The following MACROD2 variants were observed in gnomAD, a reference collection of about 807,000 sequenced individuals.
MACROD2 encodes mono-ADP ribosylhydrolase 2, also known as ADP-ribose glycohydrolase MACROD2.
MACROD2 carries 36 observed loss-of-function variants against 70.4 expected under a neutral mutation model. The observed-to-expected ratio is 0.51, with a 90% CI of 0.39 to 0.68. The LOEUF is 0.68. Among genes scored for constraint, MACROD2 ranks in the 30% least tolerant of loss-of-function variants. The pLI, the probability that MACROD2 is intolerant of heterozygous loss-of-function variation, is 0.00. For synonymous variants in MACROD2, 172 were observed against 178.8 expected, an observed-to-expected ratio of 0.96 and a Z score of 0.30; for missense variants, 496 against 538.4, an observed-to-expected ratio of 0.92 and a Z score of 0.78.
chr20:14,963,096 C>G (rs1388981664), intron 5 of MACROD2, among the ~76,000 whole-genome samples: 3 of 152,094 alleles, frequency 2.0e-5, no homozygotes, highest in African/African-American at 7.2e-5. Flanking sequence ...CTGTACCATA[C>G]TTTTTTTCAC....
intron 7 of MACROD2, among the ~76,000 whole-genome samples, chr20:15,456,509 C>T (rs539199671): frequency 1.3e-5 from 2 of 152,238 alleles, no homozygotes; most frequent in East Asian, 1.9e-4. Flanking sequence ...ACACAAGCTC[C>T]CTGAAGGCAA....
At chr20:15,099,946 A>G (rs1434948187) in intron 5 of MACROD2, among the ~76,000 whole-genome samples, 1 of 152,064 alleles carries the variant, frequency 6.6e-6, no homozygotes, top group Non-Finnish European at 1.5e-5. Context: ...TGAAAAAAAA[A>G]ATTCAAAAGA....
At chr20:15,032,951 A>G (rs2075286686) in intron 5 of MACROD2, among the ~76,000 whole-genome samples, 1 of 152,224 alleles carries the variant, frequency 6.6e-6, no homozygotes, top group South Asian at 2.1e-4. Context: ...ACATTATGCT[A>G]AGTGCAATAA....
intron 5 of MACROD2, among the ~76,000 whole-genome samples, chr20:14,847,155 G>T (rs893500426): frequency 6.6e-6 from 1 of 152,076 alleles, no homozygotes; most frequent in African/African-American, 2.4e-5. Flanking sequence ...AACTACTTCT[G>T]TAACATTAAT....
intron 8 of MACROD2, among the ~76,000 whole-genome samples, chr20:15,858,391 T>C (rs2064382644): frequency 6.6e-6 from 1 of 152,194 alleles, no homozygotes; most frequent in Non-Finnish European, 1.5e-5. Context: ...CCTTTTTCCT[T>C]TGTACAAGTC....
At chr20:14,340,456 A>C (rs1488339396) in intron 3 of MACROD2, among the ~76,000 whole-genome samples, 1 of 152,300 alleles carries the variant, frequency 6.6e-6, no homozygotes, top group Non-Finnish European at 1.5e-5. Context: ...GAATGGGAGA[A>C]GAATACACAA....
intron 5 of MACROD2, among the ~76,000 whole-genome samples, chr20:14,882,158 G>C (rs2210051): frequency 0.74 from 112,420 of 152,102 alleles, 42,255 homozygotes; most frequent in East Asian, 0.89. Context: ...CCATAGCCAG[G>C]TTTATGCCTT....
At chr20:14,152,808 TC>T (rs1045694713) in intron 3 of MACROD2, among the ~76,000 whole-genome samples, 1 of 152,166 alleles carries the variant, frequency 6.6e-6, no homozygotes, top group African/African-American at 2.4e-5. Flanking sequence ...TAATATATAA[TC>T]TTGGCAACTC....
intron 5 of MACROD2, among the ~76,000 whole-genome samples, chr20:14,802,466 C>T (rs1299123998): frequency 6.6e-6 from 1 of 151,720 alleles, no homozygotes; most frequent in Non-Finnish European, 1.5e-5. Context: ...TAAAACTGTC[C>T]CTCTTCTTAG....
intron 8 of MACROD2, among the ~76,000 whole-genome samples, chr20:15,726,537 A>G (rs6043490): frequency 0.01 from 1,558 of 152,202 alleles, 16 homozygotes; most frequent in Middle Eastern, 0.02. Flanking sequence ...ACTAATTTGC[A>G]TTCCTATCAG....
intron 2 of MACROD2, among the ~76,000 whole-genome samples, chr20:14,080,442 C>CAAAA (rs61598345): frequency 0.016 from 1,021 of 62,376 alleles, 21 homozygotes; most frequent in Middle Eastern, 0.024. Flanking sequence ...AACCCCGTCT[C>CAAAA]AAAAAAAAAA....
intron 8 of MACROD2, among the ~76,000 whole-genome samples, chr20:15,535,149 A>T (rs2058735): frequency 0.049 from 7,414 of 152,028 alleles, 451 homozygotes; most frequent in East Asian, 0.28. Flanking sequence ...CTAATTTTTT[A>T]AAATTTTTGT....
At chr20:14,141,389 T>A (rs2148705665) in intron 3 of MACROD2, among the ~76,000 whole-genome samples, 1 of 152,278 alleles carries the variant, frequency 6.6e-6, no homozygotes, top group Admixed American at 6.5e-5. Flanking sequence ...TTTGTTTTGG[T>A]CTTAACATTT....
chr20:14,585,821 A>G (rs1196307188), intron 4 of MACROD2, among the ~76,000 whole-genome samples: 1 of 152,166 alleles, frequency 6.6e-6, no homozygotes, highest in Non-Finnish European at 1.5e-5. Context: ...ATATTACAAT[A>G]TTGTTAAAGA....
At chr20:15,666,830 A>G (rs989658394) in intron 8 of MACROD2, among the ~76,000 whole-genome samples, 6 of 152,224 alleles carry the variant, frequency 3.9e-5, no homozygotes, top group Non-Finnish European at 7.3e-5. Context: ...TTGGTAAAGA[A>G]GCACGCCCAC....
At chr20:14,676,564 G>A (rs775701454) in intron 4 of MACROD2, among the ~76,000 whole-genome samples, 5 of 152,164 alleles carry the variant, frequency 3.3e-5, no homozygotes, top group Non-Finnish European at 5.9e-5. Flanking sequence ...CACAGCTAAA[G>A]CAGTGTTTAG....
At chr20:15,871,036 C>T (rs1456697772) in intron 9 of MACROD2, among the ~76,000 whole-genome samples, 2 of 151,518 alleles carry the variant, frequency 1.3e-5, no homozygotes, top group Non-Finnish European at 1.5e-5. Flanking sequence ...ATTGGCCAGG[C>T]GTGGTGATAG....
intron 5 of MACROD2, among the ~76,000 whole-genome samples, chr20:14,956,531 C>T (rs1483244245): frequency 2.0e-5 from 3 of 152,010 alleles, no homozygotes; most frequent in Non-Finnish European, 4.4e-5. Flanking sequence ...ATTACCATGC[C>T]ACCCTGTGCT....
chr20:14,790,460 T>G (rs1024692690), intron 5 of MACROD2, among the ~76,000 whole-genome samples: 8 of 148,026 alleles, frequency 5.4e-5, no homozygotes, highest in African/African-American at 1.5e-4. Context: ...GCTGGCCTGA[T>G]GAGCCACAAT....
Sources: allele counts gnomAD v4.1 joint callset (sites outside exome capture counted in the v4.1 genomes callset), GRCh38; gene constraint gnomAD v4.1.1; transcripts MANE v1.5; gene names NCBI Gene and HGNC (gene_info 2026-07-23, HGNC 2026-07-21).